The following HS6ST2 variants were observed in gnomAD, a reference collection of about 807,000 sequenced individuals.
HS6ST2 encodes heparan sulfate 6-O-sulfotransferase 2.
In HS6ST2, 17 loss-of-function variants were observed where a neutral mutation model predicts 33.0. The observed-to-expected ratio is 0.52, with a 90% CI of 0.35 to 0.77. The LOEUF (loss-of-function observed/expected upper bound fraction) is 0.77, where lower values mean the gene tolerates loss of function less well. Ranked by LOEUF, HS6ST2 falls within the 30% of genes least tolerant of loss-of-function variation. The pLI, the probability that HS6ST2 is intolerant of heterozygous loss-of-function variation, is 0.01. For missense variants in HS6ST2, 519 were observed against 551.7 expected (o/e 0.94, Z 0.59); for synonymous variants, 248 against 237.1 (o/e 1.05, Z -0.42).
At chrX:132,698,906 C>A (rs1228306191) in intron 3 of HS6ST2, among the ~76,000 whole-genome samples, 1 of 111,931 alleles carries the variant, frequency 8.9e-6, no homozygotes, top group Non-Finnish European at 1.9e-5. Flanking sequence ...CATTAAGAAT[C>A]GTGCTGAATT....
intron 4 of HS6ST2, among the ~76,000 whole-genome samples, chrX:132,642,132 C>T (rs2148170598): frequency 9.0e-6 from 1 of 110,897 alleles, no homozygotes; most frequent in South Asian, 4.0e-4. Context: ...GCCTTTTTCA[C>T]ATGGTAGGCC....
chrX:132,717,790 T>C (rs1235681974), intron 2 of HS6ST2, among the ~76,000 whole-genome samples: 1 of 111,883 alleles, frequency 8.9e-6, no homozygotes, highest in East Asian at 2.8e-4. Flanking sequence ...TTTTGAAATA[T>C]CATGACCACT....
In HS6ST2 at chrX:132,816,049, C is replaced by G. The variant is rs771882310; in HGVS notation, c.948-107555G>C. Among the ~76,000 whole-genome samples the G allele has an allele frequency of 2.7e-5, 3 of 111,774 alleles. No homozygotes were observed. In the South Asian group the frequency reaches 1.1e-3, roughly 42 times the overall value. On this transcript the variant is annotated intron_variant, in intron 2 of 4. Transcript: ENST00000370833. Reference sequence around the variant, plus strand: ...AAAAAATTATATCCCCAGGCCCCAGCACATAGCATTACTCAACAAATGTTT... The same window carrying G: ...AAAAAATTATATCCCCAGGCCCCAGGACATAGCATTACTCAACAAATGTTT...
At chrX:132,814,453 T>G (rs958100938) in intron 2 of HS6ST2, among the ~76,000 whole-genome samples, 1 of 112,389 alleles carries the variant, frequency 8.9e-6, no homozygotes, top group Non-Finnish European at 1.9e-5. Context: ...AGAATCAAAA[T>G]AGTTACCCAT....
intron 2 of HS6ST2, among the ~76,000 whole-genome samples, chrX:132,893,134 A>G (rs1398157234): frequency 1.8e-5 from 2 of 112,159 alleles, no homozygotes; most frequent in Non-Finnish European, 3.8e-5. Context: ...TACACAGTAG[A>G]GACATCAGAA....
chrX:132,929,615 G>T (rs1188638491), intron 2 of HS6ST2, among the ~76,000 whole-genome samples: 1 of 111,732 alleles, frequency 8.9e-6, no homozygotes, highest in East Asian at 2.8e-4. Context: ...TACCAAGAAT[G>T]TAGGGGGACA....
At chrX:132,701,178 G>A (rs779480346) in intron 3 of HS6ST2, among the ~76,000 whole-genome samples, 2 of 112,166 alleles carry the variant, frequency 1.8e-5, no homozygotes, top group South Asian at 7.5e-4. Context: ...ATAAGTCATT[G>A]CCTTGATGTG....
At chrX:132,798,703 A>G (rs1022588421) in intron 2 of HS6ST2, among the ~76,000 whole-genome samples, 1 of 111,950 alleles carries the variant, frequency 8.9e-6, no homozygotes, top group African/African-American at 3.2e-5. Context: ...AAATCATTTA[A>G]AAGTCAAGTG....
chrX:132,707,982 C>T (rs751719485), intron 3 of HS6ST2, among the ~76,000 whole-genome samples: 92 of 111,521 alleles, frequency 8.2e-4, no homozygotes, highest in African/African-American at 2.8e-3. Context: ...TATTTACATA[C>T]GTTAAAAGCC....
chrX:132,852,159 T>G (rs1300691699), intron 2 of HS6ST2, among the ~76,000 whole-genome samples: 3 of 111,058 alleles, frequency 2.7e-5, no homozygotes, highest in African/African-American at 6.5e-5. Flanking sequence ...AGAGAGAAAT[T>G]TGTGAAACAC....
chrX:132,913,670 G>A (rs754255614), intron 2 of HS6ST2, among the ~76,000 whole-genome samples: 17 of 112,277 alleles, frequency 1.5e-4, no homozygotes, highest in Non-Finnish European at 2.4e-4. Flanking sequence ...CATGGCCATC[G>A]CTGGCTGCAG....
chrX:132,906,403 CATAAGA>C (rs2066476140), intron 2 of HS6ST2, among the ~76,000 whole-genome samples: 1 of 112,136 alleles, frequency 8.9e-6, no homozygotes, highest in African/African-American at 3.2e-5. Flanking sequence ...GTAATAAATC[CATAAGA>C]ATAATTGTGG....
At chrX:132,764,906 G>A (rs2064831836) in intron 2 of HS6ST2, among the ~76,000 whole-genome samples, 1 of 112,249 alleles carries the variant, frequency 8.9e-6, no homozygotes, top group Non-Finnish European at 1.9e-5. Flanking sequence ...ACAAGCCAGA[G>A]AAGATCCAAC....
intron 2 of HS6ST2, among the ~76,000 whole-genome samples, chrX:132,761,045 T>G (rs1569487974): frequency 9.0e-6 from 1 of 110,930 alleles, no homozygotes; most frequent in Non-Finnish European, 1.9e-5. Context: ...TGAAAAAAAA[T>G]CACTTTTTGC....
chrX:132,718,484 T>A (rs773148461), intron 2 of HS6ST2, among the ~76,000 whole-genome samples: 1 of 111,494 alleles, frequency 9.0e-6, no homozygotes, highest in East Asian at 2.8e-4. Context: ...TTCTAATGCA[T>A]TGTGTACCAT....
At chrX:132,746,830 G>C (rs767230006) in intron 2 of HS6ST2, among the ~76,000 whole-genome samples, 1 of 111,843 alleles carries the variant, frequency 8.9e-6, no homozygotes, top group East Asian at 2.8e-4. Flanking sequence ...CACAGAGCAG[G>C]GCTCTTCAGG....
At chrX:132,654,091 T>C (rs1007806940) in intron 4 of HS6ST2, among the ~76,000 whole-genome samples, 2 of 111,241 alleles carry the variant, frequency 1.8e-5, no homozygotes, top group African/African-American at 6.5e-5. Flanking sequence ...TGATTTTATA[T>C]GTAAAATTTG....
At chrX:132,717,266 A>T (rs972873487) in intron 2 of HS6ST2, among the ~76,000 whole-genome samples, 5 of 112,931 alleles carry the variant, frequency 4.4e-5, no homozygotes, top group Non-Finnish European at 9.4e-5. Flanking sequence ...GCCAGCCCCA[A>T]ATGAAAAGAG....
intron 2 of HS6ST2, among the ~76,000 whole-genome samples, chrX:132,902,079 C>G (rs1424761575): frequency 9.1e-6 from 1 of 110,097 alleles, no homozygotes; most frequent in Non-Finnish European, 1.9e-5. Flanking sequence ...TCCCTACTAC[C>G]AGACCAGTGA....
Sources: allele counts gnomAD v4.1 joint callset (sites outside exome capture counted in the v4.1 genomes callset), GRCh38; gene constraint gnomAD v4.1.1; transcripts MANE v1.5; gene names NCBI Gene and HGNC (gene_info 2026-07-23, HGNC 2026-07-21).